Variants in ZNF503 observed in about 807,000 individuals in gnomAD.
ZNF503 encodes the protein NocA-like zinc finger 2.
Under a neutral mutation model 34.4 loss-of-function variants are expected in ZNF503, and 15 were observed. The observed-to-expected ratio is 0.44, with a 90% confidence interval of 0.29 to 0.67. ZNF503 has a LOEUF of 0.67. Ranked by LOEUF, ZNF503 falls within the 30% of genes least tolerant of loss-of-function variation. The probability of loss-of-function intolerance (pLI) is 0.13; values close to 1 mark genes in which losing one functional copy is unlikely to be tolerated. For synonymous variants in ZNF503, 580 were observed against 456.8 expected (o/e 1.27, Z -3.44); for missense variants, 1,007 against 926.8 (o/e 1.09, Z -1.12).
chr10:75,344,848 T>C, the ZNF503 span, among the ~76,000 whole-genome samples: 1 of 152,226 alleles, frequency 6.6e-6, no homozygotes, highest in African/African-American at 2.4e-5. Context: ...CCATGGGGCA[T>C]GAGAGAGGCT....
chr10:75,309,588 T>G, the ZNF503 span, among the ~76,000 whole-genome samples: 1 of 151,838 alleles, frequency 6.6e-6, no homozygotes, highest in Non-Finnish European at 1.5e-5. Flanking sequence ...AGTTAAGGTA[T>G]GTACATTGTT....
chr10:75,357,777 T>C, the ZNF503 span, among the ~76,000 whole-genome samples: 2 of 152,140 alleles, frequency 1.3e-5, no homozygotes, highest in East Asian at 1.9e-4. Flanking sequence ...TCCTCTAATA[T>C]TGGGCCATGA....
the ZNF503 span, among the ~76,000 whole-genome samples, chr10:75,287,090 A>G: frequency 6.6e-6 from 1 of 152,036 alleles, no homozygotes. Flanking sequence ...CACAGCCTCT[A>G]CTTGCTTTGA....
chr10:75,315,004 T>C, the ZNF503 span, among the ~76,000 whole-genome samples: 3 of 152,226 alleles, frequency 2.0e-5, no homozygotes, highest in Non-Finnish European at 2.9e-5. Context: ...TACCCTAATA[T>C]TGTAATGATG....
chr10:75,316,534 A>AT, the ZNF503 span, among the ~76,000 whole-genome samples: 1 of 151,800 alleles, frequency 6.6e-6, no homozygotes, highest in African/African-American at 2.4e-5. Flanking sequence ...TATTATTTTA[A>AT]TTTTTTTGTA....
the ZNF503 span, among the ~76,000 whole-genome samples, chr10:75,389,397 G>T: frequency 6.6e-6 from 1 of 152,132 alleles, no homozygotes; most frequent in African/African-American, 2.4e-5. Context: ...GGTGTCCGCT[G>T]GGCCACCTCT....
Position 75,401,166 on chromosome 10 carries a change from C to T in ZNF503, c.254G>A (p.Gly85Asp), listed in dbSNP as rs766694576. The T allele has an allele frequency of 6.2e-7, 1 of 1,611,234 alleles. No individual in the cohort carries two copies. Among genetic ancestry groups the T allele is most frequent in the East Asian group, 2.2e-5 (1 of 44,832 alleles). ...KVLKMLTART[G>D]HILHPEYLQP... ...CAGGTACTCGGGGTGCAAAATGTGG[C>T]CAGTTCGTGCCGTCAGCATCTTCAG... Residue 85 changes from glycine (G) to aspartate (D), a missense_variant, in exon 1 of 2, where the codon GGC becomes GAC. Transcript: ENST00000372524.
At chr10:75,303,558 C>G in the ZNF503 span, among the ~76,000 whole-genome samples, 1 of 152,246 alleles carries the variant, frequency 6.6e-6, no homozygotes, top group East Asian at 1.9e-4. Context: ...TGTCCTGGCC[C>G]TGCTCCTGAT....
In ZNF503 at chr10:75,397,833, A is replaced by C. The variant is rs997709512; in HGVS notation, c.*916T>G. The C allele has an allele frequency of 6.6e-6, 1 of 152,564 alleles. No homozygotes were observed. Among genetic ancestry groups the C allele is most frequent in the African/African-American group, 2.4e-5 (1 of 41,372 alleles). The allele number at this position is 152,564 out of a possible 1,614,324, so 9.5% of individuals were successfully genotyped here. ...CCAAAATAAAAAAGATAAGAAGAAG[A>C]AGTAAAACCCTTTAATACATCAAAT... On this transcript the variant is annotated 3_prime_UTR_variant, in exon 2 of 2. Transcript: ENST00000372524.
At chr10:75,343,434 G>C in the ZNF503 span, 3 of 152,254 alleles carry the variant, frequency 2.0e-5, no homozygotes, top group Admixed American at 6.5e-5. Context: ...GAGGAACCGA[G>C]GGTGGAAACA....
At chr10:75,280,291 G>C in the ZNF503 span, 1 of 152,242 alleles carries the variant, frequency 6.6e-6, no homozygotes. Context: ...CTGTGGTGTT[G>C]AATGTGGTGG....
At chr10:75,380,708 G>C in the ZNF503 span, among the ~76,000 whole-genome samples, 1 of 152,186 alleles carries the variant, frequency 6.6e-6, no homozygotes, top group Non-Finnish European at 1.5e-5. Context: ...TCATGTCAAA[G>C]AGCAAAGGTG....
At chr10:75,302,553 G>A in the ZNF503 span, among the ~76,000 whole-genome samples, 1 of 152,166 alleles carries the variant, frequency 6.6e-6, no homozygotes, top group South Asian at 2.1e-4. Context: ...TGTCAGCCAG[G>A]GATGTGTAGG....
the ZNF503 span, among the ~76,000 whole-genome samples, chr10:75,359,852 C>T: frequency 6.6e-6 from 1 of 152,170 alleles, no homozygotes; most frequent in Non-Finnish European, 1.5e-5. Context: ...CTCTTGTCTT[C>T]ACCTGGGAGA....
chr10:75,361,855 G>A, the ZNF503 span, among the ~76,000 whole-genome samples: 31 of 152,306 alleles, frequency 2.0e-4, 1 homozygote, highest in African/African-American at 5.1e-4. Flanking sequence ...GTGCCTGGGC[G>A]TGGGAAGGAC....
chr10:75,326,852 T>G, the ZNF503 span, among the ~76,000 whole-genome samples: 2 of 151,998 alleles, frequency 1.3e-5, no homozygotes, highest in Non-Finnish European at 2.9e-5. Context: ...TATTTATTTA[T>G]TTTTATTTTT....
Position 75,401,345 on chromosome 10 carries a change from GCCT to G in ZNF503, c.72_74del (p.Gly27del), listed in dbSNP as rs1843811817. ...TGGTCCAGGCAGGGTCTGCACCGCC[GCCT>G]CCGCCTCCGCCGCCGCCGCCGCCGC... On this transcript the variant is annotated inframe_deletion, in exon 1 of 2. Transcript: ENST00000372524. 2 of 1,483,606 alleles carry G rather than the reference GCCT, an allele frequency of 1.3e-6. No homozygotes were observed. The highest frequency in any genetic ancestry group is 5.4e-5 in the African/African-American group (2 of 36,960). 91.9% of individuals were successfully genotyped at this position (1,483,606 alleles called of 1,614,324 possible). A position where few individuals can be genotyped will look rare whatever the true frequency, so the allele number is the denominator to read the frequency against.
chr10:75,312,289 A>C, the ZNF503 span, among the ~76,000 whole-genome samples: 2 of 152,214 alleles, frequency 1.3e-5, no homozygotes, highest in African/African-American at 2.4e-5. Flanking sequence ...AGGAAAAAAC[A>C]AATGAAAATA....
chr10:75,360,110 G>GTTTCTTT, the ZNF503 span, among the ~76,000 whole-genome samples: 30 of 135,244 alleles, frequency 2.2e-4, 4 homozygotes, highest in Non-Finnish European at 3.0e-4. Context: ...GCTGCCAAAG[G>GTTTCTTT]TTTCTTTTTT....
Sources: gnomAD v4.1 joint callset for allele counts (sites outside exome capture counted in the v4.1 genomes callset) on GRCh38, gnomAD v4.1.1 for gene constraint, MANE v1.5 for transcripts, NCBI Gene and HGNC (gene_info 2026-07-23, HGNC 2026-07-21) for gene names.